PLBD1: variants seen among roughly 807,000 people sequenced by gnomAD.
The protein encoded by PLBD1 is lysosomal leucine aminopeptidase.
Under a neutral mutation model 63.0 loss-of-function variants are expected in PLBD1, and 60 were observed. The observed-to-expected ratio is 0.95, with a 90% CI of 0.77 to 1.18. The LOEUF (loss-of-function observed/expected upper bound fraction) is 1.18, where lower values mean the gene tolerates loss of function less well. PLBD1 is among the 50% of genes most tolerant of loss of function. The pLI is 0.00. For synonymous variants in PLBD1, 262 were observed against 248.0 expected (o/e 1.06, Z -0.53); for missense variants, 598 against 677.9 (o/e 0.88, Z 1.31).
At chr12:14,547,772 C>T (rs913599555) in intron 2 of PLBD1, among the ~76,000 whole-genome samples, 5 of 152,142 alleles carry the variant, frequency 3.3e-5, no homozygotes, top group Admixed American at 2.6e-4. Flanking sequence ...TGTACTACCT[C>T]CTACGCTCTC....
chr12:14,543,618 G>A (rs1466401710), intron 2 of PLBD1, among the ~76,000 whole-genome samples: 1 of 152,036 alleles, frequency 6.6e-6, no homozygotes, highest in Non-Finnish European at 1.5e-5. Context: ...CCAGCTACTT[G>A]GGAGGCTGAG....
At position 14,522,361 on chromosome 12, in the gene PLBD1, A is replaced by C. The variant is rs796802961; in HGVS notation, c.845-10650T>G. 2.0e-5 allele frequency among the ~76,000 whole-genome samples: 3 copies of C among 152,206 alleles called. No individual in the cohort carries two copies. In the South Asian group the frequency reaches 6.2e-4, roughly 32 times the overall value. On this transcript the variant is annotated intron_variant, in intron 6 of 10. Coordinates refer to ENST00000240617, the MANE Select transcript of PLBD1 (RefSeq NM_024829.6). ...CAATAACAAGTAATGAGATTGAATT[A>C]GTAATAAAAAGTCTTCCAGAAAAGA...
At chr12:14,529,330 T>C (rs866382411) in intron 6 of PLBD1, among the ~76,000 whole-genome samples, 1 of 151,874 alleles carries the variant, frequency 6.6e-6, no homozygotes, top group Admixed American at 6.6e-5. Context: ...AAAACCATCA[T>C]AAGAAAAGCA....
rs759369515 is a variant in PLBD1 at position 14,503,864 on chromosome 12, G to A, written c.1570C>T (p.Arg524Cys). ...QGGLPVFRWD[R>C]FNKTLHQGMP... The stretch of plus-strand genomic sequence containing the variant: ...CCCTGATGTAGAGTTTTGTTGAAAC[G>A]GTCCCAGCGAAAAACAGGGAGGCCA... The change falls in exon 11 of 11, where the codon CGT (arginine) becomes TGT (cysteine). Residue 524 changes from arginine (R) to cysteine (C), a missense_variant. Coordinates refer to ENST00000240617, the MANE Select transcript of PLBD1 (RefSeq NM_024829.6). The A allele has an allele frequency of 8.1e-6, 13 of 1,613,662 alleles. No individual in the cohort carries two copies. Among genetic ancestry groups the A allele is most frequent in the South Asian group, 1.1e-5 (1 of 91,068 alleles).
chr12:14,504,270 G>C (rs1437402606), intron 10 of PLBD1, among the ~76,000 whole-genome samples: 1 of 152,026 alleles, frequency 6.6e-6, no homozygotes, highest in East Asian at 1.9e-4. Flanking sequence ...AACTGGTCTC[G>C]AACTCCTGAT....
chr12:14,507,275 T>C (rs1406454330), intron 8 of PLBD1, among the ~76,000 whole-genome samples, 157 bp from the exon 9 acceptor site: 1 of 152,258 alleles, frequency 6.6e-6, no homozygotes, highest in East Asian at 1.9e-4. Flanking sequence ...GCTTTGCATG[T>C]GAACCCTGGC....
chr12:14,517,351 T>C (rs1945344822), intron 6 of PLBD1, among the ~76,000 whole-genome samples: 1 of 152,118 alleles, frequency 6.6e-6, no homozygotes, highest in African/African-American at 2.4e-5. Flanking sequence ...TCTTGCTATG[T>C]TGCACAGCCT....
intron 1 of PLBD1, among the ~76,000 whole-genome samples, chr12:14,561,555 C>A (rs565865604): frequency 6.6e-6 from 1 of 152,130 alleles, no homozygotes; most frequent in South Asian, 2.1e-4. Flanking sequence ...CCTGGATCCC[C>A]AACTTTCTTT....
At chr12:14,564,026 G>A (rs886851935) in intron 1 of PLBD1, among the ~76,000 whole-genome samples, 1 of 152,156 alleles carries the variant, frequency 6.6e-6, no homozygotes, top group African/African-American at 2.4e-5. Flanking sequence ...GATCACTTGC[G>A]AGCAAGAGTT....
At chr12:14,539,417 A>G (rs1419530683) in intron 4 of PLBD1, among the ~76,000 whole-genome samples, 2 of 151,620 alleles carry the variant, frequency 1.3e-5, no homozygotes, top group Non-Finnish European at 2.9e-5. Context: ...TCTATATATA[A>G]TATATTTATC....
chr12:14,515,735 A>G (rs1945331522), intron 6 of PLBD1, among the ~76,000 whole-genome samples: 1 of 152,106 alleles, frequency 6.6e-6, no homozygotes, highest in Non-Finnish European at 1.5e-5. Context: ...CTTCATGTGT[A>G]CCTACTTTCA....
chr12:14,527,568 G>A (rs11830451), intron 6 of PLBD1, among the ~76,000 whole-genome samples: 1,660 of 152,072 alleles, frequency 0.011, 21 homozygotes, highest in African/African-American at 0.038. Flanking sequence ...AAAAACTTAC[G>A]ATGCACTTTC....
chr12:14,506,778 TATTTATTGAGTATAAA>T (rs1455438242), intron 9 of PLBD1, among the ~76,000 whole-genome samples, 139 bp downstream of exon 9: 2 of 152,204 alleles, frequency 1.3e-5, no homozygotes, highest in African/African-American at 4.8e-5. Context: ...GCCAAAGCTC[TATTTATTGAGTATAAA>T]ATGTACAATA....
At position 14,534,574 on chromosome 12, in the gene PLBD1, C is replaced by T. The variant is rs1434638944; in HGVS notation, c.844+1085G>A. ...TTTTTTTTTTTTTGAGACGGAGTCT[C>T]GCTCTGTCGCCCAGGCTGGAGTGCA... On this transcript the variant is annotated intron_variant, in intron 6 of 10. Coordinates refer to ENST00000240617, the MANE Select transcript of PLBD1 (RefSeq NM_024829.6). 6.2e-5 allele frequency among the ~76,000 whole-genome samples: 9 copies of T among 145,782 alleles called. No individual in the cohort carries two copies. The South Asian group carries it at 1.1e-3, about 18-fold the overall frequency.
Position 14,511,635 on chromosome 12 carries a change from A to T in PLBD1, c.921T>A (p.Phe307Leu), listed in dbSNP as rs1945298910. 3 of 1,614,066 alleles carry T rather than the reference A, an allele frequency of 1.9e-6. No individual in the cohort carries two copies. The highest frequency in any genetic ancestry group is 1.3e-5 in the African/African-American group (1 of 74,934). Residue 307 changes from phenylalanine to leucine, a missense_variant, in exon 7 of 11, where the codon TTT becomes TTA. By Grantham distance (22) the Phe-to-Leu change is conservative. Transcript: ENST00000240617. ...LILLQTTNSV[F>L]NKTLLKQVIP... ...TTACCTGCTTTAGCAGGGTTTTATT[A>T]AACACACTGTTTGTGGTCTGCAGCA...
Position 14,534,698 on chromosome 12 carries a change from C to T in PLBD1, c.844+961G>A, listed in dbSNP as rs1458376779. Reference sequence around the variant, plus strand: ...AGCTGCGACTACAGGCGCCCGCCACCACGCCTGGCTAATTTTTTGTATTTT... The same window carrying T: ...AGCTGCGACTACAGGCGCCCGCCACTACGCCTGGCTAATTTTTTGTATTTT... On this transcript the variant is annotated intron_variant, in intron 6 of 10. Transcript: ENST00000240617. 5.9e-5 allele frequency among the ~76,000 whole-genome samples: 9 copies of T among 152,164 alleles called. No individual in the cohort carries two copies. In the South Asian group the frequency reaches 8.3e-4, roughly 14 times the overall value.
intron 1 of PLBD1, among the ~76,000 whole-genome samples, chr12:14,556,788 C>A (rs1423438668): frequency 6.6e-6 from 1 of 151,220 alleles, no homozygotes; most frequent in Non-Finnish European, 1.5e-5. Context: ...AGTTTGAGAC[C>A]AGGCTGACCA....
At chr12:14,518,316 C>G (rs928533792) in intron 6 of PLBD1, among the ~76,000 whole-genome samples, 1 of 152,176 alleles carries the variant, frequency 6.6e-6, no homozygotes, top group East Asian at 1.9e-4. Flanking sequence ...TGAACACAAA[C>G]AAGCTTATAG....
At chr12:14,560,274 T>C (rs1945735540) in intron 1 of PLBD1, among the ~76,000 whole-genome samples, 3 of 152,210 alleles carry the variant, frequency 2.0e-5, no homozygotes. Flanking sequence ...CTCCCATATT[T>C]GGATTCTATA....
Sources: gnomAD v4.1 joint callset for allele counts (sites outside exome capture counted in the v4.1 genomes callset) on GRCh38, gnomAD v4.1.1 for gene constraint, MANE v1.5 for transcripts, NCBI Gene and HGNC (gene_info 2026-07-23, HGNC 2026-07-21) for gene names.